ITGA9: variants seen among roughly 807,000 people sequenced by gnomAD.
The protein encoded by ITGA9 is integrin subunit alpha 9, also known as integrin alpha-9.
Under a neutral mutation model 127.8 loss-of-function variants are expected in ITGA9, and 56 were observed. The ratio of observed to expected loss-of-function variants is 0.44; its 90% CI spans 0.35 to 0.55. The LOEUF (loss-of-function observed/expected upper bound fraction) is 0.55. Among genes scored for constraint, ITGA9 ranks in the 20% least tolerant of loss-of-function variants. The pLI is 0.00. For synonymous variants in ITGA9, 508 were observed against 514.5 expected (o/e 0.99, Z 0.17); for missense variants, 1,196 against 1,347.1 (o/e 0.89, Z 1.76).
intron 17 of ITGA9, among the ~76,000 whole-genome samples, chr3:37,680,424 T>G (rs1260192731): frequency 6.6e-6 from 1 of 152,200 alleles, no homozygotes; most frequent in Admixed American, 6.5e-5. Flanking sequence ...CTGCTTCCCT[T>G]AATCACAGAG....
chr3:37,452,569 C>G lies in ITGA9; in HGVS notation c.185+10C>G. On this transcript the variant is annotated intron_variant, in intron 1 of 27. Coordinates refer to ENST00000264741, the MANE Select transcript of ITGA9 (RefSeq NM_002207.3). The surrounding 1 kb of genome is among the most constrained non-coding windows in gnomAD (Gnocchi z 7.3). ...ACGACAACACGCGCTGGTGAGTGCC[C>G]GCCCGACTCCGCGACCCTGGCCCGC... The G allele has an allele frequency of 8.6e-6, 13 of 1,507,810 alleles. No homozygotes were observed. Among genetic ancestry groups the G allele is most frequent in the Non-Finnish European group, 1.2e-5 (13 of 1,126,816 alleles). The allele number at this position is 1,507,810 out of a possible 1,614,324, so 93.4% of individuals were successfully genotyped here.
At chr3:37,739,699 G>A (rs528439036) in intron 20 of ITGA9, among the ~76,000 whole-genome samples, 9 of 152,154 alleles carry the variant, frequency 5.9e-5, no homozygotes, top group Non-Finnish European at 1.2e-4. Flanking sequence ...GATGTTTGAC[G>A]TCTTTATCTC....
chr3:37,821,154 G>A lies in ITGA9; in HGVS notation c.*2165G>A, dbSNP rs191239046. On this transcript the variant is annotated 3_prime_UTR_variant, in exon 28 of 28. Transcript: ENST00000264741. ...ATCAAGGGTCAATGGCATGAACTAA[G>A]CTGATCCTGGAAATCAGGGATGTTG... is the stretch of plus-strand genomic sequence containing the variant. 1.8e-4 allele frequency: 28 copies of A among 152,322 alleles called. No homozygotes were observed. The highest frequency in any genetic ancestry group is 1.4e-3 in the Admixed American group (21 of 15,306). 9.4% of individuals were successfully genotyped at this position (152,322 alleles called of 1,614,324 possible). A position where few individuals can be genotyped will look rare whatever the true frequency, so the allele number is the denominator to read the frequency against.
intron 21 of ITGA9, among the ~76,000 whole-genome samples, chr3:37,743,630 A>G (rs1006077881): frequency 1.3e-5 from 2 of 152,272 alleles, no homozygotes; most frequent in African/African-American, 2.4e-5. Flanking sequence ...CAGAAAATGT[A>G]TACTTTTATA....
intron 18 of ITGA9, among the ~76,000 whole-genome samples, chr3:37,709,497 G>T (rs757800043): frequency 6.6e-6 from 1 of 152,138 alleles, no homozygotes; most frequent in Non-Finnish European, 1.5e-5. Context: ...GACTAAATAG[G>T]GACCAAATAA....
Position 37,452,655 on chromosome 3 carries a change from C to A in ITGA9, c.185+96C>A. 8.8e-7 allele frequency: 1 copy of A among 1,138,360 alleles called. No individual in the cohort carries two copies. Among genetic ancestry groups the A allele is most frequent in the Non-Finnish European group, 1.2e-6 (1 of 856,984 alleles). 70.5% of individuals were successfully genotyped at this position (1,138,360 alleles called of 1,614,324 possible). A position where few individuals can be genotyped will look rare whatever the true frequency, so the allele number is the denominator to read the frequency against. The stretch of plus-strand genomic sequence containing the variant: ...GCCGCCTTTCCGGTCTCTTCCACGC[C>A]GCCGTCCCGAGGGGGCGATTTAAAT... On this transcript the variant is annotated intron_variant, in intron 1 of 27. Transcript: ENST00000264741. This position sits in a 1 kb window ranked among gnomAD's most constrained non-coding sequence, Gnocchi z 7.3.
chr3:37,550,580 T>G (rs966963074), intron 15 of ITGA9, among the ~76,000 whole-genome samples: 1 of 152,234 alleles, frequency 6.6e-6, no homozygotes, highest in African/African-American at 2.4e-5. Context: ...TAGGAAGAGA[T>G]GCACAATAGC....
At chr3:37,465,289 A>G (rs1698357398) in intron 1 of ITGA9, among the ~76,000 whole-genome samples, 1 of 152,206 alleles carries the variant, frequency 6.6e-6, no homozygotes, top group South Asian at 2.1e-4. Context: ...ACAGGTTCAG[A>G]GCGAGGTGGG....
chr3:37,578,342 G>A (rs563573329), intron 15 of ITGA9, among the ~76,000 whole-genome samples: 19 of 152,336 alleles, frequency 1.2e-4, no homozygotes, highest in Non-Finnish European at 2.4e-4. Flanking sequence ...GGGGTAAGGG[G>A]TGGAGAAGCT....
At chr3:37,656,192 A>G (rs1700476071) in intron 17 of ITGA9, among the ~76,000 whole-genome samples, 1 of 152,234 alleles carries the variant, frequency 6.6e-6, no homozygotes, top group Admixed American at 6.5e-5. Flanking sequence ...TTTTGGTTCC[A>G]TATGAAATTT....
At chr3:37,810,070 G>A (rs1286799412) in intron 27 of ITGA9, among the ~76,000 whole-genome samples, 1 of 152,248 alleles carries the variant, frequency 6.6e-6, no homozygotes, top group African/African-American at 2.4e-5. Flanking sequence ...GGCGGGGACA[G>A]TGTTGAAGTC....
chr3:37,707,334 CT>C lies in ITGA9; in HGVS notation c.2067+23320del, dbSNP rs1362934287. On this transcript the variant is annotated intron_variant, in intron 18 of 27. Coordinates refer to ENST00000264741, the MANE Select transcript of ITGA9 (RefSeq NM_002207.3). Reference sequence around the variant, plus strand: ...AAGTTCTTTTCTGTTTAAGTGGGTTCTCAGAAGTGGTTGCACCTTCAGCAGG... The same window carrying C: ...AAGTTCTTTTCTGTTTAAGTGGGTTCCAGAAGTGGTTGCACCTTCAGCAGG... Among the ~76,000 whole-genome samples, 5 of 152,270 alleles carry C rather than the reference CT, an allele frequency of 3.3e-5. No individual in the cohort carries two copies. In the East Asian group the frequency reaches 9.6e-4, roughly 29 times the overall value.
intron 1 of ITGA9, among the ~76,000 whole-genome samples, chr3:37,462,085 G>A (rs1190086059): frequency 2.6e-5 from 4 of 152,208 alleles, no homozygotes; most frequent in South Asian, 4.1e-4. Context: ...TCTATCCCTT[G>A]GATTTTAGTG....
At chr3:37,730,197 G>T (rs868216077) in intron 18 of ITGA9, among the ~76,000 whole-genome samples, 74 of 152,176 alleles carry the variant, frequency 4.9e-4, no homozygotes, top group African/African-American at 1.6e-3. Flanking sequence ...GCTTATCCTG[G>T]GACACTCTTG....
intron 16 of ITGA9, among the ~76,000 whole-genome samples, chr3:37,636,636 A>G (rs1700282029): frequency 6.6e-6 from 1 of 152,164 alleles, no homozygotes; most frequent in African/African-American, 2.4e-5. Context: ...CTTTAGTTTA[A>G]TTAGATCCCA....
chr3:37,517,498 T>G lies in ITGA9; in HGVS notation c.1036-6T>G. 1 of 1,574,576 alleles carries G rather than the reference T, an allele frequency of 6.4e-7. No individual in the cohort carries two copies. The highest frequency in any genetic ancestry group is 1.2e-5 in the South Asian group (1 of 85,788). On this transcript the variant is annotated splice_polypyrimidine_tract_variant and splice_region_variant and intron_variant, in intron 9 of 27. Coordinates refer to ENST00000264741, the MANE Select transcript of ITGA9 (RefSeq NM_002207.3). ...TTTCCATTTTCTCCTCCATCCTGTTTCCCAGGGAGCCCTCGAGGAGCAGCT... is the reference window on the plus strand; with the variant it reads ...TTTCCATTTTCTCCTCCATCCTGTTGCCCAGGGAGCCCTCGAGGAGCAGCT...
chr3:37,492,345 G>A (rs956753752), intron 4 of ITGA9, among the ~76,000 whole-genome samples: 7 of 152,342 alleles, frequency 4.6e-5, no homozygotes, highest in Admixed American at 3.3e-4. Flanking sequence ...CCTCTGGTGG[G>A]GCAGTCCCAG....
rs143358210 is a variant in ITGA9, at chr3:37,584,330, C to T, written c.1689+41745C>T. ...TCAGAACTGGCACTATCACTTCTGC[C>T]CTCATTCCATTGGCCAGAGCAAGTC... On this transcript the variant is annotated intron_variant, in intron 15 of 27. Coordinates refer to ENST00000264741, the MANE Select transcript of ITGA9 (RefSeq NM_002207.3). Among the ~76,000 whole-genome samples, 14 of 152,284 alleles carry T rather than the reference C, an allele frequency of 9.2e-5. 1 individual carries two copies. In the East Asian group the frequency reaches 2.7e-3, roughly 29 times the overall value.
At chr3:37,540,431 A>G (rs1423558226) in intron 14 of ITGA9, among the ~76,000 whole-genome samples, 2 of 152,246 alleles carry the variant, frequency 1.3e-5, no homozygotes, top group Non-Finnish European at 2.9e-5. Flanking sequence ...ATCAGTAGAA[A>G]GTAAATTGGC....
Sources: gnomAD v4.1 joint callset for allele counts (sites outside exome capture counted in the v4.1 genomes callset) on GRCh38, gnomAD v4.1.1 for gene constraint, Gnocchi (gnomAD v3.1) non-coding constraint, MANE v1.5 for transcripts, NCBI Gene and HGNC (gene_info 2026-07-23, HGNC 2026-07-21) for gene names.